The following WDHD1 variants were observed in gnomAD, a reference collection of about 807,000 sequenced individuals.
WDHD1 encodes the protein WD repeat and HMG-box DNA-binding protein 1.
Under a neutral mutation model 135.4 loss-of-function variants are expected in WDHD1, and 111 were observed. The observed-to-expected ratio is 0.82, with a 90% CI of 0.70 to 0.96. The LOEUF (loss-of-function observed/expected upper bound fraction) is 0.96, where lower values mean the gene tolerates loss of function less well. Among genes scored for constraint, WDHD1 ranks in the 40% least tolerant of loss-of-function variants. WDHD1 has a pLI of 0.00. For synonymous variants in WDHD1, 434 were observed against 439.0 expected (o/e 0.99, Z 0.14); for missense variants, 1,351 against 1,336.3 (o/e 1.01, Z -0.17).
intron 11 of WDHD1, among the ~76,000 whole-genome samples, chr14:54,994,552 T>C (rs1334357399): frequency 6.6e-6 from 1 of 152,154 alleles, no homozygotes; most frequent in Non-Finnish European, 1.5e-5. Context: ...TTTTTCATAT[T>C]GTCTTCAAAA....
intron 24 of WDHD1, among the ~76,000 whole-genome samples, chr14:54,949,240 G>T (rs1037231150): frequency 6.6e-6 from 1 of 152,134 alleles, no homozygotes. Flanking sequence ...TCGCAAAGGA[G>T]CTAAAAACCT....
intron 10 of WDHD1, among the ~76,000 whole-genome samples, chr14:54,997,230 G>A (rs1473844889): frequency 1.3e-5 from 2 of 151,368 alleles, no homozygotes; most frequent in African/African-American, 4.9e-5. Context: ...TGAGTACCTG[G>A]GTTTACAGGC....
chr14:54,993,932 G>C (rs911014503), intron 11 of WDHD1, among the ~76,000 whole-genome samples: 2 of 152,080 alleles, frequency 1.3e-5, no homozygotes, highest in Admixed American at 6.6e-5. Flanking sequence ...GAGTATAAAG[G>C]CTACTGAGAC....
rs557492712 is a variant in WDHD1 at position 55,024,997 on chromosome 14, G to T, written c.77+1714C>A. Among the ~76,000 whole-genome samples, 36 of 97,392 alleles carry T rather than the reference G, an allele frequency of 3.7e-4. 6 individuals carry two copies. In the South Asian group the frequency reaches 0.016, roughly 43 times the overall value. 63.9% of individuals were successfully genotyped at this position (97,392 alleles called of 152,430 possible). ...GAGGATTAGTAAAAGAGGAAGGAAT[G>T]CCTCTTGCAGTTGAGACAAGAGGAA... is the stretch of plus-strand genomic sequence containing the variant. On this transcript the variant is annotated intron_variant, in intron 2 of 25. Transcript: ENST00000360586.
rs191209945 is a variant in WDHD1, at chr14:54,985,736, G to A, written c.1769-876C>T. On this transcript the variant is annotated intron_variant, in intron 14 of 25. Transcript: ENST00000360586. ...ATGACAGTCCAAGAGATGACATCCA[G>A]GTTGTATTAGCAGAAGAAATGAAAA... Among the ~76,000 whole-genome samples the A allele has an allele frequency of 2.8e-4, 43 of 152,318 alleles. No individual in the cohort carries two copies. The East Asian group carries it at 8.3e-3, about 29-fold the overall frequency.
chr14:55,018,703 T>C (rs1301100458), intron 2 of WDHD1, among the ~76,000 whole-genome samples: 5 of 152,202 alleles, frequency 3.3e-5, no homozygotes, highest in African/African-American at 1.2e-4. Context: ...TCCCAGCTAG[T>C]AGAATTTGCT....
chr14:54,976,692 G>A (rs1436253845), intron 16 of WDHD1, among the ~76,000 whole-genome samples: 1 of 151,966 alleles, frequency 6.6e-6, no homozygotes, highest in East Asian at 1.9e-4. Context: ...ATACTGAGAA[G>A]TGTTGCTTCC....
chr14:54,992,172 C>T lies in WDHD1; in HGVS notation c.1154-772G>A, dbSNP rs185469927. On this transcript the variant is annotated intron_variant, in intron 11 of 25. Transcript: ENST00000360586. ...ACTCGGGAGGCTGAGACAGGAGAAT[C>T]GCTTGAACCCGGGAGACTCCGTCTC... 3.8e-3 allele frequency among the ~76,000 whole-genome samples: 576 copies of T among 151,508 alleles called. 2 individuals carry two copies. The highest frequency in any genetic ancestry group is 6.2e-3 in the Non-Finnish European group (423 of 67,918).
intron 13 of WDHD1, among the ~76,000 whole-genome samples, chr14:54,988,429 A>G (rs1489859462): frequency 6.6e-6 from 1 of 152,210 alleles, no homozygotes; most frequent in African/African-American, 2.4e-5. Context: ...GCAAAGGGAT[A>G]TAAGAAAACA....
chr14:54,976,006 G>C (rs182587496), intron 16 of WDHD1, among the ~76,000 whole-genome samples: 277 of 152,134 alleles, frequency 1.8e-3, no homozygotes, highest in Middle Eastern at 6.8e-3. Flanking sequence ...CTGTGAAATG[G>C]GTACACTGTG....
At chr14:54,942,290 A>C (rs1401248327) in intron 25 of WDHD1, among the ~76,000 whole-genome samples, 2 of 151,814 alleles carry the variant, frequency 1.3e-5, no homozygotes, top group East Asian at 3.8e-4. Flanking sequence ...AATAAAAATG[A>C]AACTTTTTAT....
At chr14:54,945,737 C>T (rs2040912320) in intron 24 of WDHD1, among the ~76,000 whole-genome samples, 1 of 152,110 alleles carries the variant, frequency 6.6e-6, no homozygotes, top group Non-Finnish European at 1.5e-5. Context: ...GACAGGGTTT[C>T]ACCATATTGG....
Position 54,941,441 on chromosome 14 carries a change from A to T in WDHD1, c.*49T>A. ...TCCCAAAGACTCGAGTCTATATTCA[A>T]AGATGAGTAAAAAAAAATCCATTAC... On this transcript the variant is annotated 3_prime_UTR_variant, in exon 26 of 26. Coordinates refer to ENST00000360586, the MANE Select transcript of WDHD1 (RefSeq NM_007086.4). 6.6e-7 allele frequency: 1 copy of T among 1,516,798 alleles called. No individual in the cohort carries two copies. The highest frequency in any genetic ancestry group is 8.9e-7 in the Non-Finnish European group (1 of 1,120,728). The allele number at this position is 1,516,798 out of a possible 1,614,324, so 94.0% of individuals were successfully genotyped here.
chr14:55,010,917 T>C (rs754437681), intron 3 of WDHD1, among the ~76,000 whole-genome samples: 16 of 152,174 alleles, frequency 1.1e-4, no homozygotes, highest in Non-Finnish European at 2.1e-4. Context: ...GCAGCATCCA[T>C]GCCAGAGACT....
chr14:54,986,675 T>C lies in WDHD1; in HGVS notation c.1768+471A>G, dbSNP rs1595094815. 4.6e-5 allele frequency among the ~76,000 whole-genome samples: 7 copies of C among 152,232 alleles called. No individual in the cohort carries two copies. In the South Asian group the frequency reaches 1.5e-3, roughly 32 times the overall value. Reference sequence around the variant, plus strand: ...TCACAGAAGTCATGAGAAGAAGGTATTTTCAATGGAATTATTTTTTTAAAA... The same window carrying C: ...TCACAGAAGTCATGAGAAGAAGGTACTTTCAATGGAATTATTTTTTTAAAA... On this transcript the variant is annotated intron_variant, in intron 14 of 25. Transcript: ENST00000360586.
At chr14:55,009,085 A>G (rs1483682666) in intron 4 of WDHD1, among the ~76,000 whole-genome samples, 1 of 152,076 alleles carries the variant, frequency 6.6e-6, no homozygotes, top group Admixed American at 6.6e-5. Context: ...ATGAGCCACT[A>G]CGCCTGTCCA....
chr14:55,008,402 A>G, intron 5 of WDHD1, 36 bp from the exon 6 acceptor site: 1 of 1,600,858 alleles, frequency 6.2e-7, no homozygotes, highest in Non-Finnish European at 8.5e-7. Flanking sequence ...CTATAGTCAT[A>G]GCCATAATAC....
chr14:55,016,056 G>A (rs2042257619), intron 2 of WDHD1, among the ~76,000 whole-genome samples: 1 of 152,234 alleles, frequency 6.6e-6, no homozygotes, highest in South Asian at 2.1e-4. Flanking sequence ...AAAGTTACAG[G>A]TGCCAGTTGG....
rs770075010 is a variant in WDHD1, at chr14:55,013,505, C to T, written c.169G>A (p.Ala57Thr). Reference protein sequence around the residue: ...DPKFINVGEKAYSCALKSGKL... With the variant: ...DPKFINVGEKTYSCALKSGKL... ...ACTACCTTCAAAGCACATGAATATGCCTTTTCTCCAACATTAATGAACTTA... is the reference window on the plus strand; with the variant it reads ...ACTACCTTCAAAGCACATGAATATGTCTTTTCTCCAACATTAATGAACTTA... The change falls in exon 3 of 26, where the codon GCA (alanine) becomes ACA (threonine). Residue 57 changes from alanine (A) to threonine (T), a missense_variant. Transcript: ENST00000360586. 2 of 1,613,272 alleles carry T rather than the reference C, an allele frequency of 1.2e-6. No homozygotes were observed. Among genetic ancestry groups the T allele is most frequent in the African/African-American group, 1.3e-5 (1 of 74,996 alleles).
Sources: gnomAD v4.1 joint callset for allele counts (sites outside exome capture counted in the v4.1 genomes callset) on GRCh38, gnomAD v4.1.1 for gene constraint, MANE v1.5 for transcripts, NCBI Gene and HGNC (gene_info 2026-07-23, HGNC 2026-07-21) for gene names.